Variants in GNPAT observed in about 807,000 individuals in gnomAD.
GNPAT encodes the protein glyceronephosphate O-acyltransferase, also known as dihydroxyacetone phosphate acyltransferase.
In GNPAT, 30 loss-of-function variants were observed where a neutral mutation model predicts 78.4. The ratio of observed to expected loss-of-function variants is 0.38; its 90% CI spans 0.29 to 0.52. The LOEUF (loss-of-function observed/expected upper bound fraction) is 0.52. GNPAT is among the 20% of genes least tolerant of loss of function. The pLI is 0.84. For synonymous variants in GNPAT, 271 were observed against 281.1 expected (o/e 0.96, Z 0.36); for missense variants, 714 against 812.2 (o/e 0.88, Z 1.47).
chr1:231,249,848 T>C (rs895602532), intron 1 of GNPAT, among the ~76,000 whole-genome samples: 1 of 152,200 alleles, frequency 6.6e-6, no homozygotes, highest in Non-Finnish European at 1.5e-5. Context: ...AGAAAAGTAC[T>C]TTTTAAAAAA....
Position 231,260,467 on chromosome 1 carries a change from T to C in GNPAT, c.262-40T>C, listed in dbSNP as rs368807146. 2.7e-5 allele frequency: 38 copies of C among 1,407,336 alleles called. 1 individual carries two copies. Among genetic ancestry groups the C allele is most frequent in the African/African-American group, 2.1e-4 (15 of 71,084 alleles). 87.2% of individuals were successfully genotyped at this position (1,407,336 alleles called of 1,614,324 possible). ...GTAAAGCTTTCTGACTTTTCTGTTATTGTTGTTAGAAATTATTCCTGCTTT... is the reference window on the plus strand; with the variant it reads ...GTAAAGCTTTCTGACTTTTCTGTTACTGTTGTTAGAAATTATTCCTGCTTT... On this transcript the variant is annotated intron_variant, in intron 2 of 15. Transcript: ENST00000366647.
chr1:231,248,634 G>A (rs1684813393), intron 1 of GNPAT, among the ~76,000 whole-genome samples: 1 of 151,956 alleles, frequency 6.6e-6, no homozygotes, highest in African/African-American at 2.4e-5. Context: ...AATGTGTGTT[G>A]TTTAAGGGTC....
chr1:231,264,821 G>A (rs1685330507), intron 4 of GNPAT, among the ~76,000 whole-genome samples: 1 of 152,202 alleles, frequency 6.6e-6, no homozygotes, highest in African/African-American at 2.4e-5. Context: ...CAGCATGGCT[G>A]ACTAAAGACA....
At position 231,275,314 on chromosome 1, in the gene GNPAT, G is replaced by A. The variant is rs145600712; in HGVS notation, c.1837G>A (p.Asp613Asn). ...AVRKFTSQLL[D>N]QGTSQCYDVL... ...CAGAAAATTCACAAGTCAGCTTCTC[G>A]ATCAAGGTCAGTCACTGCTCTGTGG... The change falls in exon 13 of 16, where the codon GAT (aspartate) becomes AAT (asparagine). Residue 613 changes from aspartate (D) to asparagine (N), a missense_variant. Asp to Asn is a conservative substitution (Grantham distance 23). Coordinates refer to ENST00000366647, the MANE Select transcript of GNPAT (RefSeq NM_014236.4). The A allele has an allele frequency of 3.0e-4, 487 of 1,608,526 alleles. No individual in the cohort carries two copies. The highest frequency in any genetic ancestry group is 4.0e-4 in the Non-Finnish European group (469 of 1,174,958).
chr1:231,262,472 C>A (rs1321883581), intron 3 of GNPAT, among the ~76,000 whole-genome samples: 1 of 152,112 alleles, frequency 6.6e-6, no homozygotes, highest in Non-Finnish European at 1.5e-5. Context: ...TATATGTTAG[C>A]GATCATCACT....
Position 231,276,131 on chromosome 1 carries a change from C to T in GNPAT, c.1938-4C>T. 1 of 1,169,564 alleles carries T rather than the reference C, an allele frequency of 8.6e-7. No homozygotes were observed. The highest frequency in any genetic ancestry group is 1.3e-6 in the Non-Finnish European group (1 of 779,296). 72.4% of individuals were successfully genotyped at this position (1,169,564 alleles called of 1,614,324 possible). A position where few individuals can be genotyped will look rare whatever the true frequency, so the allele number is the denominator to read the frequency against. ...TAATAATAAAGCTTATTATTTTCTC[C>T]TAGAAATAATAACTGTATATTTAAT... On this transcript the variant is annotated splice_polypyrimidine_tract_variant and splice_region_variant and intron_variant, in intron 14 of 15. Coordinates refer to ENST00000366647, the MANE Select transcript of GNPAT (RefSeq NM_014236.4).
chr1:231,259,540 G>A (rs989191552), intron 2 of GNPAT, among the ~76,000 whole-genome samples: 1 of 151,914 alleles, frequency 6.6e-6, no homozygotes, highest in Non-Finnish European at 1.5e-5. Flanking sequence ...CCAGCTACTC[G>A]GGAGGCTAAG....
At chr1:231,268,697 G>A (rs1298511977) in intron 9 of GNPAT, among the ~76,000 whole-genome samples, 5 of 151,062 alleles carry the variant, frequency 3.3e-5, no homozygotes, top group African/African-American at 1.2e-4. Flanking sequence ...CACGAGGTCA[G>A]CAGTTCCAGA....
intron 2 of GNPAT, among the ~76,000 whole-genome samples, chr1:231,258,872 C>T (rs1050148607): frequency 4.0e-5 from 6 of 151,466 alleles, no homozygotes; most frequent in Non-Finnish European, 8.8e-5. Flanking sequence ...CTCCTGACCT[C>T]GTGATCCACC....
chr1:231,273,317 T>C (rs553467675), intron 11 of GNPAT, among the ~76,000 whole-genome samples: 4 of 144,680 alleles, frequency 2.8e-5, no homozygotes, highest in Non-Finnish European at 4.5e-5. Context: ...AGTGGCGCAA[T>C]CTCAGCTCAC....
At chr1:231,275,991 G>A (rs947341854) in intron 14 of GNPAT, 144 bp from the exon 15 acceptor site, 1 of 613,942 alleles carries the variant, frequency 1.6e-6, no homozygotes. Flanking sequence ...TGGGACAGGA[G>A]CCTGAGGCCT....
rs372156688 is a variant in GNPAT at position 231,250,486 on chromosome 1, T to A, written c.79-475T>A. Among the ~76,000 whole-genome samples, 13 of 152,304 alleles carry A rather than the reference T, an allele frequency of 8.5e-5. No homozygotes were observed. In the East Asian group the frequency reaches 2.1e-3, roughly 25 times the overall value. ...ATATACTGCTCAACAGTACCTTTTA[T>A]TGGAGCGCTTGTTTCTTGAATGATT... On this transcript the variant is annotated intron_variant, in intron 1 of 15. Coordinates refer to ENST00000366647, the MANE Select transcript of GNPAT (RefSeq NM_014236.4).
chr1:231,259,302 G>A (rs1193390358), intron 2 of GNPAT, among the ~76,000 whole-genome samples: 1 of 152,106 alleles, frequency 6.6e-6, no homozygotes. Context: ...TAGAGATGGT[G>A]GTTGCACAAC....
Position 231,277,649 on chromosome 1 carries a change from C to A in GNPAT, c.*107C>A. Reference sequence around the variant, plus strand: ...GAAGAGACACATCCTCTCATACTCCCTGAGACTCTGAGAACAGTGGACGCA... The same window carrying A: ...GAAGAGACACATCCTCTCATACTCCATGAGACTCTGAGAACAGTGGACGCA... On this transcript the variant is annotated 3_prime_UTR_variant, in exon 16 of 16. Transcript: ENST00000366647. 1.3e-6 allele frequency: 1 copy of A among 761,066 alleles called. No homozygotes were observed. The highest frequency in any genetic ancestry group is 2.4e-6 in the Non-Finnish European group (1 of 413,888). The allele number at this position is 761,066 out of a possible 1,614,324, so 47.1% of individuals were successfully genotyped here.
At chr1:231,243,633 A>G (rs1253119819) in intron 1 of GNPAT, among the ~76,000 whole-genome samples, 1 of 152,070 alleles carries the variant, frequency 6.6e-6, no homozygotes, top group Non-Finnish European at 1.5e-5. Flanking sequence ...TGAGTTTTTG[A>G]GCTGTGAATG....
intron 2 of GNPAT, among the ~76,000 whole-genome samples, chr1:231,253,196 C>G (rs1684948899): frequency 6.6e-6 from 1 of 152,158 alleles, no homozygotes; most frequent in South Asian, 2.1e-4. Flanking sequence ...GTCTCGATCT[C>G]CTGACCTTGT....
At chr1:231,250,014 A>G (rs1478147448) in intron 1 of GNPAT, among the ~76,000 whole-genome samples, 1 of 151,872 alleles carries the variant, frequency 6.6e-6, no homozygotes, top group Non-Finnish European at 1.5e-5. Context: ...TGGGAGACCA[A>G]GGTGGGAGGA....
At chr1:231,275,082 T>G (rs1685672409) in intron 12 of GNPAT, 139 bp from the exon 13 acceptor site, 2 of 657,568 alleles carry the variant, frequency 3.0e-6, no homozygotes, top group Non-Finnish European at 5.5e-6. Context: ...TCTGGGCTCA[T>G]TCCTTGGAGG....
intron 9 of GNPAT, among the ~76,000 whole-genome samples, chr1:231,270,316 A>G (rs1308659665): frequency 6.6e-6 from 1 of 151,926 alleles, no homozygotes; most frequent in Non-Finnish European, 1.5e-5. Flanking sequence ...GTGTGTGTGC[A>G]TGTGTGTGTG....
Sources: gnomAD v4.1 joint callset for allele counts (sites outside exome capture counted in the v4.1 genomes callset) on GRCh38, gnomAD v4.1.1 for gene constraint, MANE v1.5 for transcripts, NCBI Gene and HGNC (gene_info 2026-07-23, HGNC 2026-07-21) for gene names.